PCNX2: variants seen among roughly 807,000 people sequenced by gnomAD.
PCNX2 encodes the protein pecanex 2.
A neutral mutation model predicts 223.8 loss-of-function variants in PCNX2; 168 were observed. The observed-to-expected ratio is 0.75, with a 90% CI of 0.66 to 0.85. The LOEUF (loss-of-function observed/expected upper bound fraction) is 0.85, where lower values mean the gene tolerates loss of function less well. PCNX2 is among the 40% of genes least tolerant of loss of function. PCNX2 has a pLI of 0.00. For synonymous variants in PCNX2, 1,006 were observed against 1,052.6 expected (o/e 0.96, Z 0.86); for missense variants, 2,507 against 2,675.5 (o/e 0.94, Z 1.39).
chr1:233,073,931 A>T (rs1672971437), intron 23 of PCNX2, among the ~76,000 whole-genome samples: 1 of 152,190 alleles, frequency 6.6e-6, no homozygotes, highest in Non-Finnish European at 1.5e-5. Flanking sequence ...CTTATTTTAA[A>T]GATCTAGGCA....
At chr1:233,201,842 T>C (rs1394581690) in intron 13 of PCNX2, 1 of 163,460 alleles carries the variant, frequency 6.1e-6, no homozygotes, top group Non-Finnish European at 1.3e-5. Flanking sequence ...CCCAAAGAAA[T>C]GGAAAGAATT....
chr1:233,130,716 C>T lies in PCNX2; in HGVS notation c.3837+4297G>A, dbSNP rs1427683003. On this transcript the variant is annotated intron_variant, in intron 21 of 33. Coordinates refer to ENST00000258229, the MANE Select transcript of PCNX2 (RefSeq NM_014801.4). Reference sequence around the variant, plus strand: ...GCCAGGATGGTCTCAATCTCCTGACCTCATGATCCGCTTGCCTCGGCCTCC... The same window carrying T: ...GCCAGGATGGTCTCAATCTCCTGACTTCATGATCCGCTTGCCTCGGCCTCC... Among the ~76,000 whole-genome samples, 6 of 152,084 alleles carry T rather than the reference C, an allele frequency of 3.9e-5. 1 individual carries two copies. Among genetic ancestry groups the T allele is most frequent in the Non-Finnish European group, 8.8e-5 (6 of 67,988 alleles).
the PCNX2 span, among the ~76,000 whole-genome samples, chr1:233,309,535 C>G: frequency 7.7e-6 from 1 of 129,886 alleles, no homozygotes; most frequent in Admixed American, 7.9e-5. Flanking sequence ...AGTGAGACTC[C>G]CTCAAAAAAA....
At position 233,039,882 on chromosome 1, in the gene PCNX2, T is replaced by C. The variant is rs142142689; in HGVS notation, c.4351+14386A>G. 3.7e-3 allele frequency among the ~76,000 whole-genome samples: 560 copies of C among 152,340 alleles called. 2 individuals carry two copies. The highest frequency in any genetic ancestry group is 0.013 in the African/African-American group (531 of 41,584). ...AAACACTCAAACACAAATATAACTT[T>C]CATCACAACTTTATTTTAAATAAAA... On this transcript the variant is annotated intron_variant, in intron 25 of 33. Transcript: ENST00000258229.
rs544410916 is a variant in PCNX2 at position 233,014,992 on chromosome 1, T to C, written c.4840-215A>G. 6.6e-5 allele frequency among the ~76,000 whole-genome samples: 10 copies of C among 152,294 alleles called. No individual in the cohort carries two copies. In the South Asian group the frequency reaches 2.1e-3, roughly 32 times the overall value. ...AAAAATAAAAGTGGAAAAGTTATTT[T>C]AGGAGAGAAAAGGGCCTACAATGTG... On this transcript the variant is annotated intron_variant, in intron 27 of 33. Transcript: ENST00000258229.
At chr1:233,119,403 CAAAAAAAAAAAAAAAAAAA>C (rs71173251) in intron 21 of PCNX2, among the ~76,000 whole-genome samples, 2 of 38,638 alleles carry the variant, frequency 5.2e-5, no homozygotes, top group South Asian at 1.4e-3. Context: ...ACTAAAAATA[CAAAAAAAAAAAAAAAAAAA>C]AAAAAAAAAA....
intron 25 of PCNX2, among the ~76,000 whole-genome samples, chr1:233,041,925 A>G (rs1171601202): frequency 6.6e-6 from 1 of 152,246 alleles, no homozygotes; most frequent in Non-Finnish European, 1.5e-5. Context: ...CTGATGCTTC[A>G]TTGTACACAA....
intron 25 of PCNX2, among the ~76,000 whole-genome samples, chr1:233,052,707 C>T (rs1306898398): frequency 6.6e-6 from 1 of 152,186 alleles, no homozygotes; most frequent in Non-Finnish European, 1.5e-5. Context: ...TTGGTACCTA[C>T]ACTAGTGCAT....
intron 17 of PCNX2, among the ~76,000 whole-genome samples, chr1:233,161,955 A>AT (rs918898747): frequency 1.4e-4 from 20 of 147,032 alleles, no homozygotes; most frequent in African/African-American, 4.5e-4. Context: ...CTTCAAAATT[A>AT]TTTTTTATAT....
intron 1 of PCNX2, among the ~76,000 whole-genome samples, chr1:233,266,981 G>C (rs1194341483): frequency 1.3e-5 from 2 of 151,440 alleles, no homozygotes; most frequent in African/African-American, 4.9e-5. Context: ...CATAGCTCTA[G>C]CTGCCTCACA....
the PCNX2 span, among the ~76,000 whole-genome samples, chr1:233,308,130 G>C: frequency 6.6e-6 from 1 of 152,142 alleles, no homozygotes; most frequent in African/African-American, 2.4e-5. Context: ...CATACATGAA[G>C]AAATGATATA....
chr1:233,122,112 GGA>G (rs3033288), intron 21 of PCNX2, among the ~76,000 whole-genome samples: 5 of 143,452 alleles, frequency 3.5e-5, no homozygotes, highest in Admixed American at 2.1e-4. Context: ...ACACACAGAG[GGA>G]GAGAGAGAGA....
rs1166916931 is a variant in PCNX2 at position 232,986,454 on chromosome 1, A to G, written c.5878T>C (p.Leu1960=). 6.2e-7 allele frequency: 1 copy of G among 1,605,184 alleles called. No individual in the cohort carries two copies. Among genetic ancestry groups the G allele is most frequent in the Non-Finnish European group, 8.5e-7 (1 of 1,175,274 alleles). Residue 1960 remains leucine (L), a synonymous_variant, in exon 33 of 34, where the codon TTA becomes CTA. Coordinates refer to ENST00000258229, the MANE Select transcript of PCNX2 (RefSeq NM_014801.4). ...TGGAGGAATGTTTGGCGGCTCTCTA[A>G]GATGGGGCCAGATGAGCTCAGCATG... The part of the protein sequence containing the change: ...PPMLSSSGPI[L]ESRQTFLQTS...
At chr1:232,997,715 C>T (rs1477744391) in intron 32 of PCNX2, among the ~76,000 whole-genome samples, 1 of 152,204 alleles carries the variant, frequency 6.6e-6, no homozygotes, top group Non-Finnish European at 1.5e-5. Flanking sequence ...AAACTTTAGA[C>T]TCAGCCAGGC....
At chr1:233,057,879 C>T in intron 23 of PCNX2, 1 of 982,094 alleles carries the variant, frequency 1.0e-6, no homozygotes, top group Non-Finnish European at 1.2e-6. Context: ...AGTGTTTAAA[C>T]TGCCAATGTA....
the PCNX2 span, among the ~76,000 whole-genome samples, chr1:233,303,208 C>A: frequency 3.3e-5 from 5 of 152,090 alleles, no homozygotes; most frequent in African/African-American, 1.2e-4. Flanking sequence ...GTTCAGAGGA[C>A]TTTCTACAGA....
intron 1 of PCNX2, chr1:233,284,939 T>A: frequency 1.0e-6 from 1 of 983,744 alleles, no homozygotes; most frequent in South Asian, 4.7e-5. Context: ...CAAGTAATGC[T>A]CCCAGTCAAC....
At chr1:233,018,630 G>T in intron 26 of PCNX2, 1 of 374,228 alleles carries the variant, frequency 2.7e-6, no homozygotes, top group Non-Finnish European at 3.7e-6. Flanking sequence ...ATCCAAGCCT[G>T]ATAGGCTTGG....
chr1:233,232,711 A>T (rs1658140105), intron 9 of PCNX2: 1 of 702,814 alleles, frequency 1.4e-6, no homozygotes, highest in African/African-American at 2.0e-5. Context: ...AGTTCTTGTT[A>T]ATGTTTTAAT....
Sources: allele counts gnomAD v4.1 joint callset (sites outside exome capture counted in the v4.1 genomes callset), GRCh38; gene constraint gnomAD v4.1.1; transcripts MANE v1.5; gene names NCBI Gene and HGNC (gene_info 2026-07-23, HGNC 2026-07-21).